Variants in PUDP observed in about 807,000 individuals in gnomAD.
PUDP encodes pseudouridine 5'-phosphatase, also known as pseudouridine-5'-phosphatase.
Under a neutral mutation model 9.4 loss-of-function variants are expected in PUDP, and 8 were observed. The ratio of observed to expected loss-of-function variants is 0.85; its 90% CI spans 0.50 to 1.53. PUDP has a LOEUF of 1.53. PUDP is among the 40% of genes most tolerant of loss of function. The pLI, the probability that PUDP is intolerant of heterozygous loss-of-function variation, is 0.00. For missense variants in PUDP, 188 were observed against 189.7 expected (o/e 0.99, Z 0.05); for synonymous variants, 99 against 80.7 (o/e 1.23, Z -1.22).
At chrX:6,902,116 C>T (rs1382030263) in intron 3 of PUDP, among the ~76,000 whole-genome samples, 1 of 111,572 alleles carries the variant, frequency 9.0e-6, no homozygotes, top group Non-Finnish European at 1.9e-5. Flanking sequence ...AAACTCCTGG[C>T]CTCAAGCAGT....
At chrX:7,092,681 C>A (rs1931457636) in intron 2 of PUDP, among the ~76,000 whole-genome samples, 1 of 111,795 alleles carries the variant, frequency 8.9e-6, no homozygotes, top group Non-Finnish European at 1.9e-5. Context: ...GGTGCAGAAA[C>A]CACCTCAAGA....
chrX:6,900,771 TTTTTG>T lies in PUDP; in HGVS notation c.*247+76357_*247+76361del, dbSNP rs1161119614. 1.0e-4 allele frequency among the ~76,000 whole-genome samples: 11 copies of T among 107,515 alleles called. No homozygotes were observed. The East Asian group carries it at 1.5e-3, about 14-fold the overall frequency. The allele number at this position is 107,515 out of a possible 115,157, so 93.4% of individuals were successfully genotyped here. On this transcript the variant is annotated intron_variant and NMD_transcript_variant, in intron 3 of 3. Transcript: ENST00000655425. ...TACCAGATGACCAATTTTTTTTGTT[TTTTTG>T]TTTTGTTTTGTTTTGTTTTTGAGAC... is the stretch of plus-strand genomic sequence containing the variant.
In PUDP at chrX:6,849,945, A is replaced by G. The variant is rs775383607; in HGVS notation, c.*247+127188T>C. 7.9e-4 allele frequency among the ~76,000 whole-genome samples: 89 copies of G among 111,971 alleles called. 1 individual carries two copies. Among genetic ancestry groups the G allele is most frequent in the Middle Eastern group, 4.6e-3 (1 of 217 alleles). On this transcript the variant is annotated intron_variant and NMD_transcript_variant, in intron 3 of 3. Transcript: ENST00000655425. Reference sequence around the variant, plus strand: ...AAACTGCCTCCATTCCAAACATAGCATTCTATTTCTAGCATTGTAAATCAA... The same window carrying G: ...AAACTGCCTCCATTCCAAACATAGCGTTCTATTTCTAGCATTGTAAATCAA...
At chrX:6,717,818 C>T (rs1051880274) in intron 1 of PUDP, among the ~76,000 whole-genome samples, 1 of 112,075 alleles carries the variant, frequency 8.9e-6, no homozygotes, top group East Asian at 2.8e-4. Flanking sequence ...TTTTCACCAA[C>T]AGCATAAAAT....
chrX:7,147,946 G>C, intron 1 of PUDP, 107 bp downstream of exon 1: 1 of 640,420 alleles, frequency 1.6e-6, no homozygotes, highest in East Asian at 4.7e-5. Flanking sequence ...GTCCCTGCAT[G>C]AACACCGCCC....
At chrX:6,980,290 C>G (rs1448711886) in intron 1 of PUDP, among the ~76,000 whole-genome samples, 1 of 108,940 alleles carries the variant, frequency 9.2e-6, no homozygotes, top group East Asian at 2.9e-4. Flanking sequence ...CTCACTGCAG[C>G]CTTAACCTCC....
chrX:6,889,220 G>T (rs1241100054), intron 3 of PUDP, among the ~76,000 whole-genome samples: 8 of 112,229 alleles, frequency 7.1e-5, no homozygotes, highest in Non-Finnish European at 1.5e-4. Context: ...CTCTCTGCAT[G>T]AATGTGACAG....
chrX:7,050,428 C>A lies in PUDP; in HGVS notation c.555G>T (p.Leu185=). 2 of 1,211,470 alleles carry A rather than the reference C, an allele frequency of 1.7e-6. No homozygotes were observed. The highest frequency in any genetic ancestry group is 2.2e-6 in the Non-Finnish European group (2 of 895,170). ...EDAPNGVEAA[L]AAGMQVVMVP... ...CCATGACCACCTGCATCCCAGCTGC[C>A]AGGGCCGCCTCCACCCCATTGGGAG... is the stretch of plus-strand genomic sequence containing the variant. Residue 185 remains leucine, a synonymous_variant, in exon 4 of 4, where the codon CTG becomes CTT. Transcript: ENST00000381077.
chrX:7,065,163 A>C (rs1351781937), intron 3 of PUDP, among the ~76,000 whole-genome samples: 1 of 111,793 alleles, frequency 8.9e-6, no homozygotes, highest in East Asian at 2.8e-4. Context: ...AAACCAAAAA[A>C]AGAAAAAACA....
chrX:7,042,099 C>G (rs1470173997), intron 1 of PUDP, among the ~76,000 whole-genome samples: 1 of 108,646 alleles, frequency 9.2e-6, no homozygotes, highest in Admixed American at 1.0e-4. Context: ...CATGCATTCC[C>G]TTCTCCCTCT....
At chrX:6,727,168 T>G (rs770468453) in intron 3 of PUDP, among the ~76,000 whole-genome samples, 1 of 110,811 alleles carries the variant, frequency 9.0e-6, no homozygotes, top group African/African-American at 3.3e-5. Context: ...ATAAACAGAT[T>G]CAGGTATAAA....
exon 3 of PUDP, among the ~76,000 whole-genome samples, chrX:6,977,135 C>G (rs1928967678): frequency 8.9e-6 from 1 of 112,094 alleles, no homozygotes; most frequent in African/African-American, 3.2e-5. Flanking sequence ...TTTCCTACCT[C>G]TCTCTCAAGT....
intron 1 of PUDP, among the ~76,000 whole-genome samples, chrX:6,996,937 G>A (rs764721944): frequency 1.6e-4 from 18 of 110,289 alleles, no homozygotes; most frequent in African/African-American, 5.9e-4. Context: ...CTAAACTGCT[G>A]GGATTACAGG....
At chrX:7,010,914 G>A (rs1929467686) in intron 1 of PUDP, among the ~76,000 whole-genome samples, 1 of 112,083 alleles carries the variant, frequency 8.9e-6, no homozygotes, top group South Asian at 3.7e-4. Context: ...GGTGAGCACT[G>A]TTATGACAGA....
chrX:6,922,152 C>A (rs35889732), intron 3 of PUDP, among the ~76,000 whole-genome samples: 2 of 109,176 alleles, frequency 1.8e-5, no homozygotes, highest in African/African-American at 3.3e-5. Flanking sequence ...TTAATAGCTA[C>A]AAAAAAATAG....
chrX:6,878,745 A>G (rs1927302798), intron 3 of PUDP, among the ~76,000 whole-genome samples: 2 of 107,489 alleles, frequency 1.9e-5, no homozygotes, highest in African/African-American at 6.6e-5. Context: ...AAGATAATTT[A>G]CATCCAGTAA....
At chrX:7,084,959 C>T (rs939685725) in intron 2 of PUDP, 12 of 112,167 alleles carry the variant, frequency 1.1e-4, no homozygotes, top group Non-Finnish European at 1.7e-4. Flanking sequence ...GGTTAGCATT[C>T]TCCTTTACAC....
At chrX:6,804,821 G>T (rs1316414290) in intron 3 of PUDP, among the ~76,000 whole-genome samples, 1 of 111,916 alleles carries the variant, frequency 8.9e-6, no homozygotes. Context: ...AACCAATTTT[G>T]TTTCTGTCCT....
chrX:6,732,873 G>C (rs1313561018), intron 3 of PUDP, among the ~76,000 whole-genome samples: 1 of 111,742 alleles, frequency 8.9e-6, no homozygotes, highest in African/African-American at 3.3e-5. Flanking sequence ...TGCACTGTAG[G>C]TTAACTTTAA....
Sources: gnomAD v4.1 joint callset for allele counts (sites outside exome capture counted in the v4.1 genomes callset) on GRCh38, gnomAD v4.1.1 for gene constraint, MANE v1.5 for transcripts, NCBI Gene and HGNC (gene_info 2026-07-23, HGNC 2026-07-21) for gene names.